The following BICD1 variants were observed in gnomAD, a reference collection of about 807,000 sequenced individuals.
BICD1 encodes protein bicaudal D homolog 1.
In BICD1, 35 loss-of-function variants were observed where a neutral mutation model predicts 92.5. That is an observed-to-expected ratio of 0.38 (90% CI 0.29 to 0.50). The LOEUF is 0.50. BICD1 is among the 20% of genes least tolerant of loss of function. The probability of loss-of-function intolerance (pLI) is 0.93; values close to 1 mark genes in which losing one functional copy is unlikely to be tolerated. For missense variants in BICD1, 950 were observed against 1,189.8 expected (o/e 0.80, Z 2.97); for synonymous variants, 429 against 465.1 (o/e 0.92, Z 1.00).
intron 8 of BICD1, among the ~76,000 whole-genome samples, chr12:32,366,223 C>G (rs1015005214): frequency 1.3e-5 from 2 of 152,186 alleles, no homozygotes; most frequent in African/African-American, 4.8e-5. Context: ...CAGAATATAA[C>G]AGTGATACTT....
chr12:32,199,279 G>A (rs930759352), intron 1 of BICD1, among the ~76,000 whole-genome samples: 2 of 152,170 alleles, frequency 1.3e-5, no homozygotes, highest in Non-Finnish European at 2.9e-5. Flanking sequence ...CATGAAAGAA[G>A]TTCAGAGGTA....
intron 1 of BICD1, among the ~76,000 whole-genome samples, chr12:32,128,119 GT>G (rs1274563160): frequency 1.3e-5 from 2 of 152,168 alleles, no homozygotes; most frequent in African/African-American, 4.8e-5. Flanking sequence ...GGCCAGGCTG[GT>G]CTCAAACTCC....
intron 2 of BICD1, among the ~76,000 whole-genome samples, chr12:32,269,851 T>C (rs904789576): frequency 2.6e-5 from 4 of 152,138 alleles, no homozygotes; most frequent in Non-Finnish European, 1.5e-5. Flanking sequence ...CATATCGGGC[T>C]GAGCAGGGTG....
chr12:32,260,214 C>G (rs946686646), intron 2 of BICD1, among the ~76,000 whole-genome samples: 4 of 152,206 alleles, frequency 2.6e-5, no homozygotes, highest in African/African-American at 9.7e-5. Context: ...CATGAGCCAC[C>G]ACGCCCAGCC....
chr12:32,239,849 C>T (rs1355574637), intron 2 of BICD1, among the ~76,000 whole-genome samples: 1 of 151,944 alleles, frequency 6.6e-6, no homozygotes, highest in Non-Finnish European at 1.5e-5. Context: ...CTCAAGTGAT[C>T]TGCCCGCCTC....
At position 32,348,721 on chromosome 12, in the gene BICD1, AAAATATATATATATATATATATAT is replaced by A. The variant is rs1179732537; in HGVS notation, c.2764+9744_2764+9767del. Among the ~76,000 whole-genome samples, 8 of 116,434 alleles carry A rather than the reference AAAATATATATATATATATATATAT, an allele frequency of 6.9e-5. No homozygotes were observed. In the Admixed American group the frequency reaches 8.5e-4, roughly 12 times the overall value. 76.4% of individuals were successfully genotyped at this position (116,434 alleles called of 152,430 possible). A position where few individuals can be genotyped will look rare whatever the true frequency, so the allele number is the denominator to read the frequency against. On this transcript the variant is annotated intron_variant, in intron 8 of 9. Coordinates refer to ENST00000652176, the MANE Select transcript of BICD1 (RefSeq NM_001714.4). ...GAAATGATGCTTTCTAGCTCACACA[AAAATATATATATATATATATATAT>A]ATATATATATATATATATATATATA...
At chr12:32,275,960 C>A (rs1412611793) in intron 2 of BICD1, among the ~76,000 whole-genome samples, 1 of 152,080 alleles carries the variant, frequency 6.6e-6, no homozygotes, top group Admixed American at 6.6e-5. Flanking sequence ...TCAGAGAACA[C>A]GAGGCTTGCC....
At chr12:32,203,499 G>A (rs1475798682) in intron 1 of BICD1, among the ~76,000 whole-genome samples, 1 of 152,172 alleles carries the variant, frequency 6.6e-6, no homozygotes, top group Admixed American at 6.5e-5. Flanking sequence ...GGTCTAAGAA[G>A]AATGTGTGTT....
Position 32,337,587 on chromosome 12 carries a change from C to T in BICD1, c.2341C>T (p.Arg781Ter), listed in dbSNP as rs749713234. The T allele has an allele frequency of 1.2e-6, 2 of 1,614,172 alleles. No homozygotes were observed. Among genetic ancestry groups the T allele is most frequent in the Non-Finnish European group, 1.7e-6 (2 of 1,180,030 alleles). The change falls in exon 7 of 10, where the codon CGA (arginine) becomes TGA (stop). Residue 781 changes from arginine to a stop codon, truncating the protein, a stop_gained. Transcript: ENST00000652176. LOFTEE classifies it high-confidence loss of function. The surrounding 1 kb of genome is among the most constrained non-coding windows in gnomAD (Gnocchi z 4.7). ...DEKKTLNTLLRMAIQQKLALT... is the reference protein window; with the variant it reads ...DEKKTLNTLL ...GAAGAAGACTCTGAACACTTTGTTA[C>T]GAATGGCTATCCAGCAAAAACTCGC... is the stretch of plus-strand genomic sequence containing the variant.
chr12:32,327,301 G>C (rs1466045894), intron 4 of BICD1, among the ~76,000 whole-genome samples, 160 bp from the exon 5 acceptor site: 6 of 152,150 alleles, frequency 3.9e-5, no homozygotes, highest in Non-Finnish European at 8.8e-5. Context: ...TGACTTACCA[G>C]AACTGCTGAA....
At chr12:32,180,925 T>C (rs542607109) in intron 1 of BICD1, among the ~76,000 whole-genome samples, 3 of 152,038 alleles carry the variant, frequency 2.0e-5, no homozygotes, top group East Asian at 1.9e-4. Flanking sequence ...TCATATTCTC[T>C]TGTGGGCACC....
At chr12:32,350,403 G>C (rs1362224299) in intron 8 of BICD1, among the ~76,000 whole-genome samples, 2 of 152,176 alleles carry the variant, frequency 1.3e-5, no homozygotes, top group Admixed American at 6.5e-5. Flanking sequence ...CTTGAGCCCA[G>C]GAGGTGGGGG....
chr12:32,310,359 G>C (rs1467631033), intron 4 of BICD1, among the ~76,000 whole-genome samples: 1 of 152,168 alleles, frequency 6.6e-6, no homozygotes, highest in East Asian at 1.9e-4. Flanking sequence ...TGACATTGTG[G>C]GAGAGGCAAT....
At chr12:32,112,875 A>T (rs1941750429) in intron 1 of BICD1, among the ~76,000 whole-genome samples, 1 of 152,232 alleles carries the variant, frequency 6.6e-6, no homozygotes, top group African/African-American at 2.4e-5. Flanking sequence ...TGACTTAGGT[A>T]CAAGGCTCCA....
At chr12:32,127,377 C>A (rs182643531) in intron 1 of BICD1, among the ~76,000 whole-genome samples, 11 of 152,228 alleles carry the variant, frequency 7.2e-5, no homozygotes, top group African/African-American at 1.9e-4. Flanking sequence ...TTCCACCCCA[C>A]CCCCCAATAA....
chr12:32,381,280 A>T lies in BICD1; in HGVS notation c.*3653A>T, dbSNP rs1940168781. ...TATAGGACTTTTACTAAAAAAATTC[A>T]ATTGTCAGAGTCTAAAAAAACAATG... On this transcript the variant is annotated 3_prime_UTR_variant, in exon 10 of 10. Transcript: ENST00000652176. The T allele has an allele frequency of 6.6e-6, 1 of 152,112 alleles. No individual in the cohort carries two copies. The highest frequency in any genetic ancestry group is 2.4e-5 in the African/African-American group (1 of 41,430). The allele number at this position is 152,112 out of a possible 1,614,324, so 9.4% of individuals were successfully genotyped here.
At chr12:32,164,629 C>T (rs1592399946) in intron 1 of BICD1, among the ~76,000 whole-genome samples, 1 of 152,086 alleles carries the variant, frequency 6.6e-6, no homozygotes, top group Non-Finnish European at 1.5e-5. Flanking sequence ...TTAGAGAAAG[C>T]CAAATATAAC....
intron 2 of BICD1, among the ~76,000 whole-genome samples, chr12:32,218,650 A>G (rs373652477): frequency 6.6e-6 from 1 of 152,252 alleles, no homozygotes; most frequent in African/African-American, 2.4e-5. Context: ...TGTTATATCC[A>G]CATTTAGGTA....
intron 2 of BICD1, among the ~76,000 whole-genome samples, chr12:32,267,828 G>C (rs1947039349): frequency 6.6e-6 from 1 of 152,108 alleles, no homozygotes; most frequent in South Asian, 2.1e-4. Flanking sequence ...TTTAGAGACA[G>C]GGTCTAACTC....
Sources: gnomAD v4.1 joint callset for allele counts (sites outside exome capture counted in the v4.1 genomes callset) on GRCh38, gnomAD v4.1.1 for gene constraint, Gnocchi (gnomAD v3.1) non-coding constraint, MANE v1.5 for transcripts, NCBI Gene and HGNC (gene_info 2026-07-23, HGNC 2026-07-21) for gene names.